Variants in GAS7 observed in about 807,000 individuals in gnomAD.
The protein encoded by GAS7 is growth arrest-specific protein 7.
GAS7 carries 28 observed loss-of-function variants against 71.1 expected under a neutral mutation model. The ratio of observed to expected loss-of-function variants is 0.39; its 90% CI spans 0.29 to 0.54. The LOEUF is 0.54. Among genes scored for constraint, GAS7 ranks in the 20% least tolerant of loss-of-function variants. GAS7 has a pLI of 0.62. For missense variants in GAS7, 436 were observed against 627.8 expected (o/e 0.69, Z 3.27); for synonymous variants, 258 against 245.8 (o/e 1.05, Z -0.46).
intron 1 of GAS7, among the ~76,000 whole-genome samples, chr17:10,128,018 G>T (rs1567603015): frequency 6.6e-6 from 1 of 152,196 alleles, no homozygotes; most frequent in Non-Finnish European, 1.5e-5. Context: ...CCGAGGGGAG[G>T]CAGCACCGGC....
chr17:10,034,198 C>A lies in GAS7; in HGVS notation c.184-14301G>T, dbSNP rs1431523610. On this transcript the variant is annotated intron_variant, in intron 1 of 13. Transcript: ENST00000432992. The surrounding 1 kb of genome is among the most constrained non-coding windows in gnomAD (Gnocchi z 4.4). ...AGTCTCGCTGGCAGATCTTGAGCAACCTCTTCCATCTCTGCTGGGAGGCCT... is the reference window on the plus strand; with the variant it reads ...AGTCTCGCTGGCAGATCTTGAGCAAACTCTTCCATCTCTGCTGGGAGGCCT... 1 of 984,964 alleles carries A rather than the reference C, an allele frequency of 1.0e-6. No individual in the cohort carries two copies. Among genetic ancestry groups the A allele is most frequent in the Admixed American group, 6.1e-5 (1 of 16,264 alleles). The allele number at this position is 984,964 out of a possible 1,614,324, so 61.0% of individuals were successfully genotyped here. A position where few individuals can be genotyped will look rare whatever the true frequency, so the allele number is the denominator to read the frequency against.
At position 9,926,827 on chromosome 17, in the gene GAS7, CA is replaced by C; in HGVS notation, c.886-59del. ...CCAGGGCATCAGCTGTAAGCCAGTGCAGGGAGGAGGGATGGGAGGGGCACCC... is the reference window on the plus strand; with the variant it reads ...CCAGGGCATCAGCTGTAAGCCAGTGCGGGAGGAGGGATGGGAGGGGCACCC... On this transcript the variant is annotated intron_variant, in intron 9 of 13. Transcript: ENST00000432992. This position sits in a 1 kb window ranked among gnomAD's most constrained non-coding sequence, Gnocchi z 5.0. 6.3e-7 allele frequency: 1 copy of C among 1,595,666 alleles called. No individual in the cohort carries two copies. The highest frequency in any genetic ancestry group is 8.6e-7 in the Non-Finnish European group (1 of 1,163,948).
In GAS7 at chr17:9,919,424, A is replaced by G. The variant is rs1428933103; in HGVS notation, c.1218+202T>C. 6.6e-6 allele frequency among the ~76,000 whole-genome samples: 1 copy of G among 152,152 alleles called. No homozygotes were observed. Among genetic ancestry groups the G allele is most frequent in the African/African-American group, 2.4e-5 (1 of 41,436 alleles). On this transcript the variant is annotated intron_variant, in intron 12 of 13. Transcript: ENST00000432992. This position sits in a 1 kb window ranked among gnomAD's most constrained non-coding sequence, Gnocchi z 5.0. ...ATCCAACCCAACCCTGCCCACATCC[A>G]CACAGCTAGGAAGCGCTGGAGCAGA...
At chr17:9,980,949 C>G (rs2070389126) in intron 3 of GAS7, among the ~76,000 whole-genome samples, 2 of 152,248 alleles carry the variant, frequency 1.3e-5, no homozygotes, top group Non-Finnish European at 2.9e-5. Context: ...AATCTCAGAC[C>G]TAGATGTCTC....
At chr17:9,918,971 T>G (rs1433884438) in intron 12 of GAS7, among the ~76,000 whole-genome samples, 1 of 152,164 alleles carries the variant, frequency 6.6e-6, no homozygotes, top group Non-Finnish European at 1.5e-5. Flanking sequence ...TGGTTAGTCC[T>G]GTGCTGGATG....
chr17:10,017,754 C>A (rs551570085), intron 2 of GAS7, among the ~76,000 whole-genome samples: 1 of 152,328 alleles, frequency 6.6e-6, no homozygotes, highest in Admixed American at 6.5e-5. Context: ...TGCTTTCATG[C>A]TGAAACAGTA....
At chr17:10,088,131 G>A (rs755024071) in intron 1 of GAS7, among the ~76,000 whole-genome samples, 5 of 151,768 alleles carry the variant, frequency 3.3e-5, no homozygotes, top group Non-Finnish European at 7.4e-5. Flanking sequence ...TGAGGAAGGA[G>A]AGTCAGTTGA....
chr17:10,007,789 T>C (rs532395348), intron 2 of GAS7, among the ~76,000 whole-genome samples: 18 of 152,300 alleles, frequency 1.2e-4, no homozygotes, highest in African/African-American at 4.3e-4. Flanking sequence ...ATAATGGTTT[T>C]TGGTGTAGTT....
intron 1 of GAS7, among the ~76,000 whole-genome samples, chr17:10,080,880 T>C (rs1032612323): frequency 6.6e-6 from 1 of 152,080 alleles, no homozygotes; most frequent in Non-Finnish European, 1.5e-5. Context: ...GATAGACAAA[T>C]AGTCCAATGA....
At chr17:10,028,903 C>T (rs1372030298) in intron 1 of GAS7, among the ~76,000 whole-genome samples, 1 of 152,134 alleles carries the variant, frequency 6.6e-6, no homozygotes, top group East Asian at 1.9e-4. Flanking sequence ...GAGGACAGAA[C>T]AGCAAACCAA....
chr17:10,164,992 T>C (rs1295802300), intron 1 of GAS7, among the ~76,000 whole-genome samples: 1 of 148,642 alleles, frequency 6.7e-6, no homozygotes, highest in Non-Finnish European at 1.5e-5. Context: ...CTACTAAAAA[T>C]ACAAAAAATT....
intron 1 of GAS7, among the ~76,000 whole-genome samples, chr17:10,091,341 T>A (rs936497113): frequency 6.6e-6 from 1 of 152,146 alleles, no homozygotes; most frequent in Non-Finnish European, 1.5e-5. Flanking sequence ...ACATTGTGAA[T>A]GTACCAAATG....
intron 8 of GAS7, among the ~76,000 whole-genome samples, 155 bp downstream of exon 8, chr17:9,939,970 GC>G (rs1437013192): frequency 1.3e-5 from 2 of 152,130 alleles, no homozygotes; most frequent in African/African-American, 4.8e-5. Flanking sequence ...CAAGTCATGA[GC>G]ACCTACCTGA....
intron 1 of GAS7, among the ~76,000 whole-genome samples, chr17:10,150,838 CT>C (rs1043592549): frequency 1.3e-5 from 2 of 152,128 alleles, no homozygotes; most frequent in African/African-American, 4.8e-5. Flanking sequence ...CTCCACCCAC[CT>C]CGGCCTCCCA....
At chr17:10,163,958 C>T (rs1205430396) in intron 1 of GAS7, among the ~76,000 whole-genome samples, 1 of 152,192 alleles carries the variant, frequency 6.6e-6, no homozygotes, top group Non-Finnish European at 1.5e-5. Context: ...AAAGAAACCG[C>T]TTGGGACATG....
rs540603787 is a variant in GAS7 at position 10,026,040 on chromosome 17, C to G, written c.184-6143G>C. ...CCAGGCAGTACAGACCCTGCTACTC[C>G]GCTCCCTACCGCTCCCACCATGCTT... On this transcript the variant is annotated intron_variant, in intron 1 of 13. Coordinates refer to ENST00000432992, the MANE Select transcript of GAS7 (RefSeq NM_201433.2). This position sits in a 1 kb window ranked among gnomAD's most constrained non-coding sequence, Gnocchi z 4.5. The G allele has an allele frequency of 3.6e-6, 1 of 278,634 alleles. No individual in the cohort carries two copies. Among genetic ancestry groups the G allele is most frequent in the Non-Finnish European group, 4.9e-6 (1 of 204,168 alleles). The allele number at this position is 278,634 out of a possible 1,614,324, so 17.3% of individuals were successfully genotyped here.
intron 1 of GAS7, among the ~76,000 whole-genome samples, chr17:10,149,233 G>A (rs1220648008): frequency 2.0e-5 from 3 of 152,048 alleles, no homozygotes; most frequent in Non-Finnish European, 4.4e-5. Flanking sequence ...CTACAGAGTA[G>A]CTGGGATTAC....
At chr17:9,970,438 T>C (rs1337642855) in intron 3 of GAS7, among the ~76,000 whole-genome samples, 1 of 152,114 alleles carries the variant, frequency 6.6e-6, no homozygotes, top group Admixed American at 6.6e-5. Context: ...GAGACCAGCC[T>C]AGCCAACATG....
At chr17:10,144,942 C>T (rs1047893986) in intron 1 of GAS7, among the ~76,000 whole-genome samples, 45 of 152,354 alleles carry the variant, frequency 3.0e-4, no homozygotes, top group African/African-American at 9.1e-4. Flanking sequence ...AGTTCCTGCC[C>T]GTCTCTGATT....
Sources: allele counts gnomAD v4.1 joint callset (sites outside exome capture counted in the v4.1 genomes callset), GRCh38; gene constraint gnomAD v4.1.1; non-coding constraint Gnocchi (gnomAD v3.1); transcripts MANE v1.5; gene names NCBI Gene and HGNC (gene_info 2026-07-23, HGNC 2026-07-21).